Variants in GRID2 observed in about 807,000 individuals in gnomAD.
The protein encoded by GRID2 is glutamate receptor ionotropic, delta-2.
Under a neutral mutation model 114.8 loss-of-function variants are expected in GRID2, and 33 were observed. The observed-to-expected ratio is 0.29, with a 90% CI of 0.22 to 0.38. The LOEUF is 0.38. Among genes scored for constraint, GRID2 ranks in the 10% least tolerant of loss-of-function variants. The pLI is 1.00. For synonymous variants in GRID2, 505 were observed against 449.9 expected, an observed-to-expected ratio of 1.12 and a Z score of -1.55; for missense variants, 1,184 against 1,257.7, an observed-to-expected ratio of 0.94 and a Z score of 0.89.
chr4:92,719,557 CAG>C (rs1329762917), intron 2 of GRID2, among the ~76,000 whole-genome samples: 4 of 151,900 alleles, frequency 2.6e-5, no homozygotes, highest in Non-Finnish European at 5.9e-5. Flanking sequence ...TTCAAAAGAA[CAG>C]AAAGTTGACA....
At position 93,023,738 on chromosome 4, in the gene GRID2, G is replaced by A. The variant is rs749945237; in HGVS notation, c.245-61257G>A. ...TTTTCCTTAAATAAGCTAAAAACAC[G>A]TCGGAATATGATGGGTGTTACATTT... On this transcript the variant is annotated intron_variant, in intron 2 of 15. Coordinates refer to ENST00000282020, the MANE Select transcript of GRID2 (RefSeq NM_001510.4). Among the ~76,000 whole-genome samples, 19 of 151,766 alleles carry A rather than the reference G, an allele frequency of 1.3e-4. 1 individual carries two copies. The highest frequency in any genetic ancestry group is 8.3e-4 in the South Asian group (4 of 4,814).
downstream of GRID2, among the ~76,000 whole-genome samples, chr4:93,777,194 G>T (rs1734386537): frequency 6.6e-6 from 1 of 152,162 alleles, no homozygotes; most frequent in South Asian, 2.1e-4. Context: ...GCTGCACAGA[G>T]GCATGGAACA....
chr4:92,506,689 C>T (rs547351320), intron 1 of GRID2, among the ~76,000 whole-genome samples: 2 of 151,878 alleles, frequency 1.3e-5, no homozygotes, highest in Non-Finnish European at 2.9e-5. Flanking sequence ...ACATTTCTAT[C>T]CTTTTCTTCT....
chr4:92,868,702 A>G lies in GRID2; in HGVS notation c.245-216293A>G, dbSNP rs549147489. ...AAAGAGCAGAGGAAAACTACATTTTATGTAGTGTGTGTGTGTGTGTGTGTG... is the reference window on the plus strand; with the variant it reads ...AAAGAGCAGAGGAAAACTACATTTTGTGTAGTGTGTGTGTGTGTGTGTGTG... On this transcript the variant is annotated intron_variant, in intron 2 of 15. Coordinates refer to ENST00000282020, the MANE Select transcript of GRID2 (RefSeq NM_001510.4). Among the ~76,000 whole-genome samples, 235 of 150,242 alleles carry G rather than the reference A, an allele frequency of 1.6e-3. 1 individual carries two copies. Among genetic ancestry groups the G allele is most frequent in the African/African-American group, 5.4e-3 (215 of 39,950 alleles).
At chr4:93,248,067 C>T (rs926522745) in intron 8 of GRID2, among the ~76,000 whole-genome samples, 2 of 125,870 alleles carry the variant, frequency 1.6e-5, no homozygotes, top group African/African-American at 6.4e-5. Context: ...GAATCTGTGT[C>T]ACTCCAATAT....
At chr4:93,340,847 A>G (rs1373412718) in intron 8 of GRID2, among the ~76,000 whole-genome samples, 2 of 152,132 alleles carry the variant, frequency 1.3e-5, no homozygotes, top group Non-Finnish European at 2.9e-5. Flanking sequence ...GGGGAAAGAG[A>G]TGGGAGTCTT....
chr4:93,307,432 A>C (rs1755553977), intron 8 of GRID2, among the ~76,000 whole-genome samples: 1 of 151,976 alleles, frequency 6.6e-6, no homozygotes, highest in Non-Finnish European at 1.5e-5. Flanking sequence ...TGACCTAAAC[A>C]ATCTTAGAAT....
intron 1 of GRID2, among the ~76,000 whole-genome samples, chr4:92,312,625 A>G (rs1404441456): frequency 7.0e-6 from 1 of 142,372 alleles, no homozygotes; most frequent in Non-Finnish European, 1.5e-5. Context: ...GCATTTATTA[A>G]ATTTTGTATT....
intron 14 of GRID2, among the ~76,000 whole-genome samples, chr4:93,691,326 C>A (rs888778290): frequency 1.1e-4 from 17 of 151,916 alleles, no homozygotes; most frequent in Admixed American, 1.1e-3. Context: ...TTATTCAAAG[C>A]GTTTTATGGA....
chr4:92,729,814 CA>C (rs1278472001), intron 2 of GRID2, among the ~76,000 whole-genome samples: 6 of 141,852 alleles, frequency 4.2e-5, no homozygotes, highest in Non-Finnish European at 7.8e-5. Context: ...AAAAATTTAA[CA>C]AAACAGTAAA....
At chr4:92,564,052 T>C (rs534719410) in intron 1 of GRID2, among the ~76,000 whole-genome samples, 22 of 152,182 alleles carry the variant, frequency 1.4e-4, no homozygotes, top group Admixed American at 3.9e-4. Flanking sequence ...TTTTAATCTT[T>C]ATATATTTAA....
At chr4:93,453,327 AG>A (rs1472040066) in intron 10 of GRID2, among the ~76,000 whole-genome samples, 1 of 55,200 alleles carries the variant, frequency 1.8e-5, no homozygotes, top group Non-Finnish European at 6.4e-5. Context: ...AGAGAGAGAG[AG>A]AGAGAGAGAG....
chr4:92,539,690 G>A (rs1009750465), intron 1 of GRID2, among the ~76,000 whole-genome samples: 1 of 152,096 alleles, frequency 6.6e-6, no homozygotes, highest in Non-Finnish European at 1.5e-5. Flanking sequence ...TATGATATAT[G>A]CATTAGAAAA....
At chr4:93,197,152 TAAATA>T (rs1741578980) in intron 4 of GRID2, among the ~76,000 whole-genome samples, 1 of 152,178 alleles carries the variant, frequency 6.6e-6, no homozygotes, top group Admixed American at 6.5e-5. Context: ...GGAGTATAAA[TAAATA>T]AAAGTCTAGT....
intron 2 of GRID2, among the ~76,000 whole-genome samples, chr4:92,767,991 C>T (rs1417121665): frequency 6.6e-6 from 1 of 151,410 alleles, no homozygotes; most frequent in Non-Finnish European, 1.5e-5. Context: ...ATTTTGTATT[C>T]TTCTAATTAT....
chr4:92,642,628 G>GT (rs781580309), intron 2 of GRID2, among the ~76,000 whole-genome samples: 11 of 150,924 alleles, frequency 7.3e-5, no homozygotes, highest in South Asian at 2.1e-4. Flanking sequence ...TGTTTTTGTT[G>GT]TTTTTTTTAA....
At chr4:93,618,149 T>A (rs1245830744) in intron 13 of GRID2, among the ~76,000 whole-genome samples, 2 of 152,208 alleles carry the variant, frequency 1.3e-5, no homozygotes, top group African/African-American at 4.8e-5. Flanking sequence ...TTTCCGTCAA[T>A]TCATCTATTC....
chr4:92,409,424 G>A (rs1018716555), intron 1 of GRID2, among the ~76,000 whole-genome samples: 1 of 152,104 alleles, frequency 6.6e-6, no homozygotes, highest in Non-Finnish European at 1.5e-5. Flanking sequence ...AATATGTTTT[G>A]TGTGGATAGA....
chr4:92,369,086 A>T (rs1475356032), intron 1 of GRID2, among the ~76,000 whole-genome samples: 1 of 152,222 alleles, frequency 6.6e-6, no homozygotes. Flanking sequence ...GCTGGTAAAA[A>T]CCAGCTTTTG....
Sources: allele counts gnomAD v4.1 joint callset (sites outside exome capture counted in the v4.1 genomes callset), GRCh38; gene constraint gnomAD v4.1.1; transcripts MANE v1.5; gene names NCBI Gene and HGNC (gene_info 2026-07-23, HGNC 2026-07-21).